Variants in SEMA5B observed in about 807,000 individuals in gnomAD.
The protein encoded by SEMA5B is semaphorin-5B.
SEMA5B carries 66 observed loss-of-function variants against 135.0 expected under a neutral mutation model. The ratio of observed to expected loss-of-function variants is 0.49; its 90% CI spans 0.40 to 0.60. The LOEUF (loss-of-function observed/expected upper bound fraction) is 0.60, where lower values mean the gene tolerates loss of function less well. Ranked by LOEUF, SEMA5B falls within the 20% of genes least tolerant of loss-of-function variation. The pLI is 0.00. For synonymous variants in SEMA5B, 690 were observed against 639.5 expected (o/e 1.08, Z -1.19); for missense variants, 1,501 against 1,566.3 (o/e 0.96, Z 0.70).
intron 1 of SEMA5B, among the ~76,000 whole-genome samples, chr3:122,967,106 A>G (rs1940887054): frequency 6.7e-6 from 1 of 148,254 alleles, no homozygotes; most frequent in African/African-American, 2.5e-5. Context: ...GCTGATCTTG[A>G]ACCCCCGACC....
At chr3:123,004,470 G>A in intron 1 of SEMA5B, among the ~76,000 whole-genome samples, 1 of 152,148 alleles carries the variant, frequency 6.6e-6, no homozygotes, top group East Asian at 1.9e-4. Context: ...CCAAGAAAAG[G>A]TTACATTTAT....
rs570764771 is a variant in SEMA5B, at chr3:122,930,575, G to A, written c.475-1517C>T. Among the ~76,000 whole-genome samples, 203 of 152,360 alleles carry A rather than the reference G, an allele frequency of 1.3e-3. 1 individual carries two copies. Among genetic ancestry groups the A allele is most frequent in the South Asian group, 0.012 (59 of 4,830 alleles). ...AGGCCAAAAGCCCCGGACGGTGGGC[G>A]GCTCTGCGAGGACCGCATGAGCAAA... is the stretch of plus-strand genomic sequence containing the variant. On this transcript the variant is annotated intron_variant, in intron 5 of 22. Transcript: ENST00000357599.
intron 1 of SEMA5B, among the ~76,000 whole-genome samples, chr3:122,992,155 C>T (rs895007989): frequency 3.3e-5 from 5 of 152,140 alleles, no homozygotes; most frequent in East Asian, 1.9e-4. Flanking sequence ...ATTTTGTGCA[C>T]GTTCTAAGTG....
chr3:122,922,546 G>A (rs996790840), intron 10 of SEMA5B, 99 bp from the exon 11 acceptor site: 35 of 1,115,944 alleles, frequency 3.1e-5, no homozygotes, highest in Non-Finnish European at 4.5e-5. Flanking sequence ...CCACAGCAGC[G>A]GACGCTGATT....
chr3:122,926,882 C>T (rs1401675064), intron 8 of SEMA5B, among the ~76,000 whole-genome samples: 1 of 152,202 alleles, frequency 6.6e-6, no homozygotes, highest in Non-Finnish European at 1.5e-5. Flanking sequence ...TGTGTTACCG[C>T]CCACCTCTCA....
At chr3:122,929,339 C>T (rs1164880589) in intron 5 of SEMA5B, among the ~76,000 whole-genome samples, 1 of 152,202 alleles carries the variant, frequency 6.6e-6, no homozygotes, top group Non-Finnish European at 1.5e-5. Context: ...AATCTTTCAT[C>T]ATCCCCACGC....
chr3:122,941,138 G>T (rs993897551), intron 4 of SEMA5B, among the ~76,000 whole-genome samples: 5 of 152,122 alleles, frequency 3.3e-5, no homozygotes, highest in African/African-American at 1.2e-4. Flanking sequence ...AGAGATCCAG[G>T]GGTCAAGAAG....
At chr3:122,925,368 GAA>G (rs34399891) in intron 9 of SEMA5B, among the ~76,000 whole-genome samples, 1 of 148,556 alleles carries the variant, frequency 6.7e-6, no homozygotes, top group Admixed American at 6.7e-5. Context: ...TAGCTGATGA[GAA>G]AAAAAAAAAT....
Position 122,970,577 on chromosome 3 carries a change from G to A in SEMA5B, c.-38-9276C>T, listed in dbSNP as rs139129709. On this transcript the variant is annotated intron_variant, in intron 1 of 22. Coordinates refer to ENST00000357599, the MANE Select transcript of SEMA5B (RefSeq NM_001031702.4). ...TAGTATTTGCAAGCCTCTTTTTGGT[G>A]TCAGCTCAAGAGGTAATCATGTCCT... Among the ~76,000 whole-genome samples, 583 of 152,346 alleles carry A rather than the reference G, an allele frequency of 3.8e-3. 3 individuals are homozygous for A. Among genetic ancestry groups the A allele is most frequent in the African/African-American group, 0.014 (562 of 41,578 alleles).
intron 2 of SEMA5B, among the ~76,000 whole-genome samples, chr3:122,956,871 C>T (rs926024419): frequency 1.1e-4 from 16 of 152,094 alleles, no homozygotes; most frequent in Non-Finnish European, 1.9e-4. Context: ...AAGCGGGTGA[C>T]GGGCTGCAGT....
intron 1 of SEMA5B, among the ~76,000 whole-genome samples, chr3:122,968,924 C>G (rs1343458911): frequency 6.6e-6 from 1 of 152,210 alleles, no homozygotes; most frequent in Admixed American, 6.5e-5. Context: ...ATCTTCTGTT[C>G]ACTTACCAAT....
At chr3:122,967,183 C>A (rs1940892146) in intron 1 of SEMA5B, among the ~76,000 whole-genome samples, 1 of 152,214 alleles carries the variant, frequency 6.6e-6, no homozygotes, top group East Asian at 1.9e-4. Flanking sequence ...CTGTGCCCAG[C>A]CTTAAGAATG....
Position 122,926,654 on chromosome 3 carries a change from C to T in SEMA5B, c.874G>A (p.Asp292Asn). 1 of 1,611,866 alleles carries T rather than the reference C, an allele frequency of 6.2e-7. No homozygotes were observed. The highest frequency in any genetic ancestry group is 2.2e-5 in the East Asian group (1 of 44,818). ...LNEPNFVAAY[D>N]IGLFAYFFLR... Reference sequence around the variant, plus strand: ...AAGAAGTATGCAAACAGCCCAATATCATAGGCTGCCACGAAGTTTGGCTCT... The same window carrying T: ...AAGAAGTATGCAAACAGCCCAATATTATAGGCTGCCACGAAGTTTGGCTCT... The change falls in exon 9 of 23, where the codon GAT becomes AAT. Residue 292 changes from aspartate to asparagine, a missense_variant. Around this residue, in one of 2 missense-constraint regions of SEMA5B, gnomAD observed 574 missense variants for 684.7 expected, o/e 0.84. Coordinates refer to ENST00000357599, the MANE Select transcript of SEMA5B (RefSeq NM_001031702.4).
In SEMA5B at chr3:122,923,618, T is replaced by C. The variant is rs775548629; in HGVS notation, c.1271A>G (p.Gln424Arg). 6.2e-7 allele frequency: 1 copy of C among 1,613,974 alleles called. No individual in the cohort carries two copies. Among genetic ancestry groups the C allele is most frequent in the South Asian group, 1.1e-5 (1 of 91,078 alleles). Residue 424 changes from glutamine (Q) to arginine (R), a missense_variant and splice_region_variant, in exon 10 of 23, where the codon CAG becomes CGG. Coordinates refer to ENST00000357599, the MANE Select transcript of SEMA5B (RefSeq NM_001031702.4). The stretch of plus-strand genomic sequence containing the variant: ...GGGAAAGAGGAGGAGATTCTGTACC[T>C]GGAAATTGGGGATGGGGTTGGCTAT... ...LPIANPIPNF[Q>R]CGTLPETGPN...
At chr3:122,943,611 C>A in intron 3 of SEMA5B, 76 bp from the exon 4 acceptor site, 4 of 1,117,120 alleles carry the variant, frequency 3.6e-6, no homozygotes, top group South Asian at 1.3e-5. Flanking sequence ...GACCACAGAA[C>A]AGAAGGGTGA....
At chr3:122,993,534 T>A (rs1280460867) in intron 1 of SEMA5B, among the ~76,000 whole-genome samples, 5 of 151,830 alleles carry the variant, frequency 3.3e-5, no homozygotes, top group African/African-American at 1.2e-4. Flanking sequence ...AAAGAGTGTG[T>A]GTAAGAGTGT....
chr3:123,000,458 G>A (rs1000814214), intron 1 of SEMA5B, among the ~76,000 whole-genome samples: 1 of 152,136 alleles, frequency 6.6e-6, no homozygotes, highest in African/African-American at 2.4e-5. Context: ...GGCAGGAAGA[G>A]GCTATAAAGG....
At chr3:122,974,014 G>A (rs956383862) in intron 1 of SEMA5B, among the ~76,000 whole-genome samples, 2 of 152,200 alleles carry the variant, frequency 1.3e-5, no homozygotes, top group African/African-American at 2.4e-5. Flanking sequence ...GCAGGCTGCC[G>A]TTCCCCGAAT....
Position 122,973,817 on chromosome 3 carries a change from G to A in SEMA5B, c.-38-12516C>T, listed in dbSNP as rs112981031. ...GGGCAGAGGTATGGGAGTGGGGAAG[G>A]GCAGAGAGGGAGGAGAAGGTAGGGA... On this transcript the variant is annotated intron_variant, in intron 1 of 22. Coordinates refer to ENST00000357599, the MANE Select transcript of SEMA5B (RefSeq NM_001031702.4). Among the ~76,000 whole-genome samples the A allele has an allele frequency of 3.5e-3, 532 of 152,250 alleles. 4 individuals are homozygous for A. Among genetic ancestry groups the A allele is most frequent in the African/African-American group, 9.2e-3 (384 of 41,542 alleles).
Sources: allele counts gnomAD v4.1 joint callset (sites outside exome capture counted in the v4.1 genomes callset), GRCh38; gene constraint gnomAD v4.1.1; regional missense constraint gnomAD v4.1.1; transcripts MANE v1.5; gene names NCBI Gene and HGNC (gene_info 2026-07-23, HGNC 2026-07-21).